TMEM47: variants seen among roughly 807,000 people sequenced by gnomAD.
The protein encoded by TMEM47 is brain cell membrane protein 1.
Under a neutral mutation model 12.4 loss-of-function variants are expected in TMEM47, and 3 were observed. The ratio of observed to expected loss-of-function variants is 0.24; its 90% CI spans 0.11 to 0.63. The LOEUF (loss-of-function observed/expected upper bound fraction) is 0.63. TMEM47 is among the 20% of genes least tolerant of loss of function. The pLI is 0.86. For missense variants in TMEM47, 89 were observed against 143.8 expected, an observed-to-expected ratio of 0.62 and a Z score of 1.95; for synonymous variants, 62 against 63.3, an observed-to-expected ratio of 0.98 and a Z score of 0.10.
intron 1 of TMEM47, among the ~76,000 whole-genome samples, chrX:34,639,870 C>T (rs781456277): frequency 3.6e-5 from 4 of 111,548 alleles, no homozygotes; most frequent in Non-Finnish European, 7.5e-5. Flanking sequence ...ACCTGGGCTA[C>T]TGAGGACATC....
chrX:34,648,254 A>G (rs967397467), intron 1 of TMEM47, among the ~76,000 whole-genome samples: 7 of 112,100 alleles, frequency 6.2e-5, no homozygotes, highest in African/African-American at 2.3e-4. Context: ...AAAAGAACAA[A>G]GTTGGTCGCA....
In TMEM47 at chrX:34,629,521, T is replaced by A. The variant is rs772869158; in HGVS notation, c.*792A>T. On this transcript the variant is annotated 3_prime_UTR_variant, in exon 3 of 3. Transcript: ENST00000275954. ...CTTCTATAAAAACAGTGAAGCTTGT[T>A]ACATACGCACACTTGTTTGCTGCAA... The A allele has an allele frequency of 8.9e-6, 1 of 111,857 alleles. No homozygotes were observed. Among genetic ancestry groups the A allele is most frequent in the South Asian group, 3.8e-4 (1 of 2,616 alleles). 9.2% of individuals were successfully genotyped at this position (111,857 alleles called of 1,213,427 possible).
At chrX:34,634,784 G>C (rs12007307) in intron 2 of TMEM47, among the ~76,000 whole-genome samples, 4,125 of 111,736 alleles carry the variant, frequency 0.037, 192 homozygotes, top group African/African-American at 0.13. Flanking sequence ...AAGACGTCTA[G>C]GAAGACAAAG....
intron 2 of TMEM47, among the ~76,000 whole-genome samples, chrX:34,636,467 A>T (rs1270853784): frequency 8.9e-6 from 1 of 112,314 alleles, no homozygotes; most frequent in African/African-American, 3.2e-5. Flanking sequence ...TTGGAAAGAA[A>T]GAAAACACTC....
At chrX:34,647,230 G>A (rs1921928401) in intron 1 of TMEM47, among the ~76,000 whole-genome samples, 1 of 111,131 alleles carries the variant, frequency 9.0e-6, no homozygotes, top group East Asian at 2.8e-4. Flanking sequence ...TTTGGTTTAG[G>A]GACCTTAAAC....
Position 34,634,808 on chromosome X carries a change from G to C in TMEM47, c.368-4317C>G, listed in dbSNP as rs777303449. On this transcript the variant is annotated intron_variant, in intron 2 of 2. Coordinates refer to ENST00000275954, the MANE Select transcript of TMEM47 (RefSeq NM_031442.4). ...AGGAAGACAAAGCATATTCTATAGT[G>C]CTTACAGCTATTAAGAGAGTATGAC... is the stretch of plus-strand genomic sequence containing the variant. Among the ~76,000 whole-genome samples the C allele has an allele frequency of 1.9e-4, 21 of 111,933 alleles. No individual in the cohort carries two copies. In the Admixed American group the frequency reaches 1.9e-3, roughly 10 times the overall value.
rs1347888107 is a variant in TMEM47, at chrX:34,656,949, G to A, written c.81C>T (p.Ile27=). Residue 27 remains isoleucine, a synonymous_variant, in exon 1 of 3, where the codon ATC becomes ATT. Coordinates refer to ENST00000275954, the MANE Select transcript of TMEM47 (RefSeq NM_031442.4). ...TPLKLVGLVC[I]FLALCLDLGA... is the part of the protein sequence containing the mutation. ...CCAGGTCCAGACACAGCGCCAGGAAGATGCACACCAGCCCGACCAGCTTCA... is the reference window on the plus strand; with the variant it reads ...CCAGGTCCAGACACAGCGCCAGGAAAATGCACACCAGCCCGACCAGCTTCA... The A allele has an allele frequency of 2.5e-6, 3 of 1,188,855 alleles. No individual in the cohort carries two copies. The highest frequency in any genetic ancestry group is 1.9e-5 in the South Asian group (1 of 53,913).
Position 34,628,387 on chromosome X carries a change from A to G in TMEM47, c.*1926T>C, listed in dbSNP as rs1171769153. The G allele has an allele frequency of 8.9e-6, 1 of 111,834 alleles. No individual in the cohort carries two copies. Among genetic ancestry groups the G allele is most frequent in the African/African-American group, 3.3e-5 (1 of 30,719 alleles). The allele number at this position is 111,834 out of a possible 1,213,427, so 9.2% of individuals were successfully genotyped here. A position where few individuals can be genotyped will look rare whatever the true frequency, so the allele number is the denominator to read the frequency against. The stretch of plus-strand genomic sequence containing the variant: ...GGAGAATTTCCACTCATAATTTCTA[A>G]TGATTCTTTATAGAATCATATATTT... On this transcript the variant is annotated 3_prime_UTR_variant, in exon 3 of 3. Transcript: ENST00000275954.
At position 34,629,402 on chromosome X, in the gene TMEM47, A is replaced by G. The variant is rs1253602564; in HGVS notation, c.*911T>C. 9.0e-6 allele frequency: 1 copy of G among 111,657 alleles called. No individual in the cohort carries two copies. The highest frequency in any genetic ancestry group is 1.9e-5 in the Non-Finnish European group (1 of 53,160). 9.2% of individuals were successfully genotyped at this position (111,657 alleles called of 1,213,427 possible). On this transcript the variant is annotated 3_prime_UTR_variant, in exon 3 of 3. Coordinates refer to ENST00000275954, the MANE Select transcript of TMEM47 (RefSeq NM_031442.4). ...TGTGTACAAGGTTAGTGCTCAAACC[A>G]CTTCACTAGAGTAAATATTAATTTT...
At chrX:34,650,105 A>C (rs1379897021) in intron 1 of TMEM47, among the ~76,000 whole-genome samples, 2 of 112,549 alleles carry the variant, frequency 1.8e-5, no homozygotes, top group African/African-American at 6.5e-5. Context: ...GTCATGGTTA[A>C]AATGTAAATT....
Position 34,657,248 on chromosome X carries a change from C to A in TMEM47, c.-219G>T. The A allele has an allele frequency of 2.4e-6, 1 of 416,364 alleles. No individual in the cohort carries two copies. Among genetic ancestry groups the A allele is most frequent in the Non-Finnish European group, 3.4e-6 (1 of 294,749 alleles). 34.3% of individuals were successfully genotyped at this position (416,364 alleles called of 1,213,427 possible). A position where few individuals can be genotyped will look rare whatever the true frequency, so the allele number is the denominator to read the frequency against. ...TCGGCAGCCGCAGCGACGTCGATTC[C>A]ACCCCGGACCTTCGCCGCCGGCCCC... On this transcript the variant is annotated 5_prime_UTR_variant, in exon 1 of 3. Transcript: ENST00000275954.
chrX:34,643,386 G>A (rs896874406), intron 1 of TMEM47, among the ~76,000 whole-genome samples: 3 of 110,409 alleles, frequency 2.7e-5, no homozygotes, highest in African/African-American at 9.9e-5. Flanking sequence ...CAGAAAACTT[G>A]TTCTACCCTG....
In TMEM47 at chrX:34,642,398, T is replaced by C. The variant is rs141389045; in HGVS notation, c.227-3011A>G. The stretch of plus-strand genomic sequence containing the variant: ...ATTCCAAAAAATTCCTAATCGCATA[T>C]TGCTACATTTCCTCAATATAGCAAT... On this transcript the variant is annotated intron_variant, in intron 1 of 2. Coordinates refer to ENST00000275954, the MANE Select transcript of TMEM47 (RefSeq NM_031442.4). 7.6e-3 allele frequency among the ~76,000 whole-genome samples: 854 copies of C among 112,395 alleles called. 9 individuals are homozygous for C. Among genetic ancestry groups the C allele is most frequent in the African/African-American group, 0.025 (789 of 30,981 alleles).
intron 2 of TMEM47, among the ~76,000 whole-genome samples, chrX:34,638,781 T>C (rs975813776): frequency 8.9e-6 from 1 of 112,005 alleles, no homozygotes; most frequent in Non-Finnish European, 1.9e-5. Flanking sequence ...ATTGACTTCA[T>C]ATAATTGACT....
intron 1 of TMEM47, among the ~76,000 whole-genome samples, chrX:34,643,642 T>C (rs1921857601): frequency 8.9e-6 from 1 of 112,003 alleles, no homozygotes; most frequent in African/African-American, 3.2e-5. Context: ...ATTAGTTTTC[T>C]ACCTTTCTAT....
chrX:34,651,024 T>G (rs1362750126), intron 1 of TMEM47, among the ~76,000 whole-genome samples: 1 of 111,604 alleles, frequency 9.0e-6, no homozygotes, highest in Non-Finnish European at 1.9e-5. Flanking sequence ...TCAAAGGCAA[T>G]AAAGAATGCA....
intron 2 of TMEM47, among the ~76,000 whole-genome samples, chrX:34,634,321 C>T (rs376783621): frequency 4.5e-5 from 5 of 111,845 alleles, no homozygotes; most frequent in South Asian, 3.8e-4. Context: ...AGAGGCATGA[C>T]GGGAATGTAG....
At chrX:34,648,427 A>C (rs867602724) in intron 1 of TMEM47, among the ~76,000 whole-genome samples, 7 of 111,791 alleles carry the variant, frequency 6.3e-5, no homozygotes, top group African/African-American at 1.9e-4. Context: ...ATTGAGAAAA[A>C]CAAGCAATGG....
intron 1 of TMEM47, among the ~76,000 whole-genome samples, chrX:34,643,034 G>C (rs1921845514): frequency 9.0e-6 from 1 of 111,188 alleles, no homozygotes. Flanking sequence ...GGGTACTTTG[G>C]AGCTGCAAAC....
Sources: gnomAD v4.1 joint callset for allele counts (sites outside exome capture counted in the v4.1 genomes callset) on GRCh38, gnomAD v4.1.1 for gene constraint, MANE v1.5 for transcripts, NCBI Gene and HGNC (gene_info 2026-07-23, HGNC 2026-07-21) for gene names.